Variants in TDRD3 observed in about 807,000 individuals in gnomAD.
TDRD3 encodes tudor domain containing 3.
A neutral mutation model predicts 86.7 loss-of-function variants in TDRD3; 45 were observed. The observed-to-expected ratio is 0.52, with a 90% CI of 0.41 to 0.67. The LOEUF is 0.67. TDRD3 is among the 30% of genes least tolerant of loss of function. The pLI, the probability that TDRD3 is intolerant of heterozygous loss-of-function variation, is 0.00. For missense variants in TDRD3, 814 were observed against 889.0 expected, an observed-to-expected ratio of 0.92 and a Z score of 1.07; for synonymous variants, 298 against 301.7, an observed-to-expected ratio of 0.99 and a Z score of 0.13.
intron 11 of TDRD3, among the ~76,000 whole-genome samples, chr13:60,532,496 T>G (rs1471620679): frequency 6.6e-6 from 1 of 152,240 alleles, no homozygotes; most frequent in Non-Finnish European, 1.5e-5. Context: ...AACTTTCCAG[T>G]GTTTTTTAGG....
At chr13:60,436,353 CAATGTTTAGAATTTCTAAACCATGAA>C (rs550208841) in intron 1 of TDRD3, among the ~76,000 whole-genome samples, 44 of 151,966 alleles carry the variant, frequency 2.9e-4, no homozygotes, top group African/African-American at 1.0e-3. Flanking sequence ...AAGAGTTTTC[CAATGTTTAGAATTTCTAAACCATGAA>C]AATGTTTAGA....
At chr13:60,495,450 A>G (rs1956692157) in intron 8 of TDRD3, among the ~76,000 whole-genome samples, 2 of 151,974 alleles carry the variant, frequency 1.3e-5, no homozygotes, top group African/African-American at 2.4e-5. Context: ...CTCAGTGATC[A>G]TTCAGGAATC....
At chr13:60,539,411 T>C (rs1957764805) in intron 12 of TDRD3, among the ~76,000 whole-genome samples, 1 of 152,046 alleles carries the variant, frequency 6.6e-6, no homozygotes, top group Admixed American at 6.6e-5. Context: ...ACTGAAGTTT[T>C]AATTTAAATA....
rs1184506893 is a variant in TDRD3, at chr13:60,449,258, A to G, written c.192+4510A>G. ...ATGTTAGTCTGTGTTAAGTAATACA[A>G]TTTGTTTCTTTTAGTGAGCTATATA... On this transcript the variant is annotated intron_variant, in intron 3 of 13. Coordinates refer to ENST00000377881, the MANE Select transcript of TDRD3 (RefSeq NM_001146070.2). 2.6e-5 allele frequency among the ~76,000 whole-genome samples: 4 copies of G among 152,158 alleles called. No homozygotes were observed. The East Asian group carries it at 7.7e-4, about 29-fold the overall frequency.
chr13:60,513,398 AG>A (rs1957101058), intron 10 of TDRD3, among the ~76,000 whole-genome samples: 1 of 152,216 alleles, frequency 6.6e-6, no homozygotes, highest in African/African-American at 2.4e-5. Flanking sequence ...ATTAACATTC[AG>A]CTCCTTGTTA....
intron 12 of TDRD3, among the ~76,000 whole-genome samples, chr13:60,552,251 A>G (rs918670731): frequency 2.0e-5 from 3 of 152,238 alleles, no homozygotes; most frequent in Non-Finnish European, 2.9e-5. Flanking sequence ...CATTGGGTAA[A>G]TGTTCCTATT....
chr13:60,426,087 T>C (rs1237855554), intron 1 of TDRD3, among the ~76,000 whole-genome samples: 3 of 152,132 alleles, frequency 2.0e-5, no homozygotes, highest in Non-Finnish European at 1.5e-5. Context: ...GGGATATAAT[T>C]GAGCCTTTAA....
intron 12 of TDRD3, among the ~76,000 whole-genome samples, chr13:60,550,615 A>G (rs775016836): frequency 5.3e-5 from 8 of 152,102 alleles, no homozygotes; most frequent in Non-Finnish European, 1.2e-4. Context: ...GTGAATGACA[A>G]GATTCTTAGT....
intron 2 of TDRD3, 84 bp from the exon 3 acceptor site, chr13:60,444,599 G>A: frequency 1.2e-6 from 1 of 802,416 alleles, no homozygotes; most frequent in Non-Finnish European, 1.9e-6. Context: ...CAAACCATAA[G>A]TAATTTCATC....
At chr13:60,426,080 A>C (rs1439191955) in intron 1 of TDRD3, among the ~76,000 whole-genome samples, 1 of 152,144 alleles carries the variant, frequency 6.6e-6, no homozygotes, top group Non-Finnish European at 1.5e-5. Flanking sequence ...TTACAATGGG[A>C]TATAATTGAG....
intron 12 of TDRD3, among the ~76,000 whole-genome samples, chr13:60,565,362 T>G (rs539104860): frequency 1.3e-5 from 2 of 152,246 alleles, no homozygotes; most frequent in African/African-American, 4.8e-5. Context: ...GCCGTCAGTA[T>G]CTTTTTTACT....
At chr13:60,454,798 T>C (rs939862515) in intron 3 of TDRD3, among the ~76,000 whole-genome samples, 1 of 152,182 alleles carries the variant, frequency 6.6e-6, no homozygotes, top group Non-Finnish European at 1.5e-5. Flanking sequence ...ATATTTCTTT[T>C]TTTTTTTTAT....
intron 5 of TDRD3, among the ~76,000 whole-genome samples, chr13:60,471,084 G>A (rs1234098721): frequency 6.6e-6 from 1 of 152,062 alleles, no homozygotes; most frequent in Non-Finnish European, 1.5e-5. Flanking sequence ...AACATAATAT[G>A]TTTTGCAAAT....
intron 12 of TDRD3, among the ~76,000 whole-genome samples, chr13:60,552,523 G>A (rs992224718): frequency 2.0e-5 from 3 of 152,218 alleles, no homozygotes; most frequent in Non-Finnish European, 2.9e-5. Flanking sequence ...CACGGTGCAA[G>A]CTATAGGTGG....
At chr13:60,446,917 G>T (rs777516628) in intron 3 of TDRD3, among the ~76,000 whole-genome samples, 1 of 152,094 alleles carries the variant, frequency 6.6e-6, no homozygotes, top group East Asian at 1.9e-4. Context: ...CTACTGATCC[G>T]TTACTTACTA....
intron 7 of TDRD3, among the ~76,000 whole-genome samples, chr13:60,494,084 C>A (rs544108871): frequency 6.6e-6 from 1 of 152,108 alleles, no homozygotes; most frequent in Non-Finnish European, 1.5e-5. Flanking sequence ...GATTTAGAAC[C>A]CAACTCTCAA....
At chr13:60,476,623 G>A (rs1441954962) in intron 5 of TDRD3, among the ~76,000 whole-genome samples, 1 of 152,014 alleles carries the variant, frequency 6.6e-6, no homozygotes, top group East Asian at 1.9e-4. Context: ...TAGGAATAGT[G>A]TTGAATCTCT....
intron 8 of TDRD3, among the ~76,000 whole-genome samples, chr13:60,499,325 C>T (rs1432169425): frequency 6.6e-6 from 1 of 152,210 alleles, no homozygotes; most frequent in Non-Finnish European, 1.5e-5. Context: ...GATGTGGTTT[C>T]ATTGCTTGAG....
chr13:60,458,167 T>C (rs779058934), intron 3 of TDRD3, among the ~76,000 whole-genome samples: 2 of 152,200 alleles, frequency 1.3e-5, no homozygotes, highest in African/African-American at 2.4e-5. Flanking sequence ...ATTCCCCAGA[T>C]CTTTGTTCTC....
Sources: gnomAD v4.1 joint callset for allele counts (sites outside exome capture counted in the v4.1 genomes callset) on GRCh38, gnomAD v4.1.1 for gene constraint, MANE v1.5 for transcripts, NCBI Gene and HGNC (gene_info 2026-07-23, HGNC 2026-07-21) for gene names.